Variants in UCP1 observed in about 807,000 individuals in gnomAD.
The protein encoded by UCP1 is mitochondrial brown fat uncoupling protein 1.
Under a neutral mutation model 26.2 loss-of-function variants are expected in UCP1, and 24 were observed. The observed-to-expected ratio is 0.92, with a 90% CI of 0.66 to 1.29. The LOEUF is 1.29. Among genes scored for constraint, UCP1 ranks in the 50% most tolerant of loss-of-function variants. The pLI is 0.00. For missense variants in UCP1, 402 were observed against 388.7 expected (o/e 1.03, Z -0.29); for synonymous variants, 164 against 156.8 (o/e 1.05, Z -0.34).
intron 2 of UCP1, among the ~76,000 whole-genome samples, chr4:140,564,173 G>A (rs1483774382): frequency 6.6e-6 from 1 of 152,114 alleles, no homozygotes; most frequent in Non-Finnish European, 1.5e-5. Context: ...TCACCAATGA[G>A]GCTTGATCTT....
intron 2 of UCP1, among the ~76,000 whole-genome samples, chr4:140,565,577 G>C (rs1170685674): frequency 1.3e-5 from 2 of 152,166 alleles, no homozygotes; most frequent in South Asian, 2.1e-4. Context: ...AAGGCCTTCT[G>C]TCATCTGGCT....
Position 140,567,883 on chromosome 4 carries a change from A to C in UCP1, c.221T>G (p.Leu74Arg), listed in dbSNP as rs1560846264. ...AVVKTEGRMKLYSGLPAGLQR... is the reference protein window; with the variant it reads ...AVVKTEGRMKRYSGLPAGLQR... ...AAGCCCCGCAGGCAGCCCGCTGTAG[A>C]GTTTCATCCGCCCTTCTGTTTTTAC... The change falls in exon 2 of 6, where the codon CTC (leucine) becomes CGC (arginine). Residue 74 changes from leucine to arginine, a missense_variant. By Grantham distance (102) the Leu-to-Arg change is moderately radical. Transcript: ENST00000262999. The C allele has an allele frequency of 1.2e-6, 2 of 1,614,144 alleles. No homozygotes were observed. The highest frequency in any genetic ancestry group is 1.3e-5 in the African/African-American group (1 of 75,026).
Position 140,563,140 on chromosome 4 carries a change from C to T in UCP1, c.598G>A (p.Glu200Lys). ...TELVTYDLMKEAFVKNNILAD... is the reference protein window; with the variant it reads ...TELVTYDLMKKAFVKNNILAD... ...AATATGTTGTTTTTCACAAAGGCCT[C>T]CTTCATTAGATCATATGTTACTAGC... The change falls in exon 4 of 6, where the codon GAG (glutamate) becomes AAG (lysine). Residue 200 changes from glutamate to lysine, a missense_variant. By Grantham distance (56) the Glu-to-Lys change is moderately conservative. Coordinates refer to ENST00000262999, the MANE Select transcript of UCP1 (RefSeq NM_021833.5). 6.2e-7 allele frequency: 1 copy of T among 1,613,654 alleles called. No homozygotes were observed. The highest frequency in any genetic ancestry group is 2.2e-5 in the East Asian group (1 of 44,860).
rs1283441222 is a variant in UCP1 at position 140,559,548 on chromosome 4, T to C, written c.*348A>G. On this transcript the variant is annotated 3_prime_UTR_variant, in exon 6 of 6. Coordinates refer to ENST00000262999, the MANE Select transcript of UCP1 (RefSeq NM_021833.5). Reference sequence around the variant, plus strand: ...TTTATAAATATAAACTGCATTTCACTCAGTTTCTTTTCCACCAGTTGGAAT... The same window carrying C: ...TTTATAAATATAAACTGCATTTCACCCAGTTTCTTTTCCACCAGTTGGAAT... 1.9e-5 allele frequency: 4 copies of C among 212,794 alleles called. No individual in the cohort carries two copies. Among genetic ancestry groups the C allele is most frequent in the Non-Finnish European group, 2.8e-5 (3 of 107,070 alleles). The allele number at this position is 212,794 out of a possible 1,614,324, so 13.2% of individuals were successfully genotyped here.
chr4:140,564,441 A>T (rs565553947), intron 2 of UCP1, among the ~76,000 whole-genome samples: 1 of 152,326 alleles, frequency 6.6e-6, no homozygotes, highest in African/African-American at 2.4e-5. Flanking sequence ...AGTAAACATA[A>T]AATTAAGGTT....
chr4:140,563,332 G>T lies in UCP1; in HGVS notation c.512C>A (p.Thr171Lys). ...AAGTTAGTTACCTTTCCAAAGACCCGTCAAGCCTTCGGTTGTTGCTATTAT... is the reference window on the plus strand; with the variant it reads ...AAGTTAGTTACCTTTCCAAAGACCCTTCAAGCCTTCGGTTGTTGCTATTAT... Reference protein sequence around the residue: ...YRIIATTEGLTGLWKGTTPNL... With the variant: ...YRIIATTEGLKGLWKGTTPNL... Residue 171 changes from threonine to lysine, a missense_variant, in exon 3 of 6, where the codon ACG (threonine) becomes AAG (lysine). Physicochemically the swap from Thr to Lys is moderately conservative, Grantham distance 78. Transcript: ENST00000262999. The T allele has an allele frequency of 6.2e-7, 1 of 1,614,046 alleles. No homozygotes were observed. The highest frequency in any genetic ancestry group is 8.5e-7 in the Non-Finnish European group (1 of 1,180,012).
intron 5 of UCP1, among the ~76,000 whole-genome samples, chr4:140,561,488 G>A (rs1735675803): frequency 6.6e-6 from 1 of 152,070 alleles, no homozygotes; most frequent in Non-Finnish European, 1.5e-5. Flanking sequence ...AAGTAGAGGG[G>A]ACCATCAGTG....
Position 140,567,968 on chromosome 4 carries a change from C to T in UCP1, c.136G>A (p.Glu46Lys). 6.2e-7 allele frequency: 1 copy of T among 1,614,224 alleles called. No individual in the cohort carries two copies. The highest frequency in any genetic ancestry group is 8.5e-7 in the Non-Finnish European group (1 of 1,180,034). The change falls in exon 2 of 6, where the codon GAA (glutamate) becomes AAA (lysine). Residue 46 changes from glutamate to lysine, a missense_variant. Physicochemically the swap from Glu to Lys is moderately conservative, Grantham distance 56. Transcript: ENST00000262999. ...CTAATAACACTGGACGTCGGGCATT[C>T]ACCTTGGACCTGGAAATAAGAAAGG... Reference protein sequence around the residue: ...TAKVRLQVQGECPTSSVIRYK... With the variant: ...TAKVRLQVQGKCPTSSVIRYK...
intron 3 of UCP1, 49 bp from the exon 4 acceptor site, chr4:140,563,260 G>T: frequency 6.2e-7 from 1 of 1,612,076 alleles, no homozygotes; most frequent in Non-Finnish European, 8.5e-7. Flanking sequence ...TTTACAATAA[G>T]TTGCTAGTTG....
intron 5 of UCP1, among the ~76,000 whole-genome samples, chr4:140,561,354 T>C (rs1735672821): frequency 6.6e-6 from 1 of 152,080 alleles, no homozygotes; most frequent in South Asian, 2.1e-4. Context: ...TTCTCCTCCT[T>C]CTCCTTCTTC....
chr4:140,565,847 C>T (rs1028679820), intron 2 of UCP1, among the ~76,000 whole-genome samples: 2 of 149,204 alleles, frequency 1.3e-5, no homozygotes, highest in Admixed American at 1.3e-4. Context: ...CTTGTAATTA[C>T]AGTTAGTCAT....
In UCP1 at chr4:140,563,199, T is replaced by C. The variant is rs1225466228; in HGVS notation, c.539A>G (p.Asn180Ser). 1.2e-6 allele frequency: 2 copies of C among 1,613,508 alleles called. No homozygotes were observed. The highest frequency in any genetic ancestry group is 1.7e-6 in the Non-Finnish European group (2 of 1,179,920). ...LTGLWKGTTP[N>S]LMRSVIINCT... is the part of the protein sequence containing the mutation. Reference sequence around the variant, plus strand: ...ATTGATGATGACACTTCTCATCAGATTGGGAGTAGTCCCTGGGGAAAAAAA... The same window carrying C: ...ATTGATGATGACACTTCTCATCAGACTGGGAGTAGTCCCTGGGGAAAAAAA... The change falls in exon 4 of 6, where the codon AAT (asparagine) becomes AGT (serine). Residue 180 changes from asparagine (N) to serine (S), a missense_variant. Coordinates refer to ENST00000262999, the MANE Select transcript of UCP1 (RefSeq NM_021833.5).
At chr4:140,568,011 C>T (rs539961851) in intron 1 of UCP1, 34 bp from the exon 2 acceptor site, 3 of 1,610,418 alleles carry the variant, frequency 1.9e-6, no homozygotes, top group Non-Finnish European at 2.5e-6. Flanking sequence ...CAGAAGGGAG[C>T]GAAATTGAGT....
rs1407208319 is a variant in UCP1 at position 140,559,464 on chromosome 4, A to G, written c.*432T>C. On this transcript the variant is annotated 3_prime_UTR_variant, in exon 6 of 6. Transcript: ENST00000262999. ...GTATTAGCAATACTTTATTGAATATATTAACTGACAACTGTGGTTAATAAA... is the reference window on the plus strand; with the variant it reads ...GTATTAGCAATACTTTATTGAATATGTTAACTGACAACTGTGGTTAATAAA... 4 of 184,490 alleles carry G rather than the reference A, an allele frequency of 2.2e-5. No individual in the cohort carries two copies. Among genetic ancestry groups the G allele is most frequent in the Non-Finnish European group, 4.5e-5 (4 of 89,296 alleles). 11.4% of individuals were successfully genotyped at this position (184,490 alleles called of 1,614,324 possible).
At chr4:140,567,161 T>C (rs915581722) in intron 2 of UCP1, among the ~76,000 whole-genome samples, 1 of 152,224 alleles carries the variant, frequency 6.6e-6, no homozygotes, top group South Asian at 2.1e-4. Context: ...TCAGGAAATA[T>C]GTTTCCTTTT....
intron 5 of UCP1, among the ~76,000 whole-genome samples, chr4:140,561,481 T>C (rs1013318289): frequency 3.9e-5 from 6 of 152,084 alleles, no homozygotes; most frequent in Non-Finnish European, 5.9e-5. Context: ...GCTTCCCAAG[T>C]AGAGGGGACC....
Position 140,563,157 on chromosome 4 carries a change from G to A in UCP1, c.581C>T (p.Thr194Ile). 1.2e-6 allele frequency: 2 copies of A among 1,613,578 alleles called. No homozygotes were observed. Among genetic ancestry groups the A allele is most frequent in the South Asian group, 1.1e-5 (1 of 91,064 alleles). The stretch of plus-strand genomic sequence containing the variant: ...AAAGGCCTCCTTCATTAGATCATAT[G>A]TTACTAGCTCTGTACAATTGATGAT... The part of the protein sequence containing the change: ...SVIINCTELV[T>I]YDLMKEAFVK... The change falls in exon 4 of 6, where the codon ACA becomes ATA. Residue 194 changes from threonine to isoleucine, a missense_variant. By Grantham distance (89) the Thr-to-Ile change is moderately conservative (BLOSUM62 -1). Coordinates refer to ENST00000262999, the MANE Select transcript of UCP1 (RefSeq NM_021833.5).
rs1228458494 is a variant in UCP1, at chr4:140,568,705, C to G, written c.25G>C (p.Val9Leu). MGGLTASDVHPTLGVQLFS... is the reference protein window; with the variant it reads MGGLTASDLHPTLGVQLFS... ...AGCTGGACCCCCAGGGTCGGGTGTA[C>G]GTCCGAGGCTGTCAGGCCCCCCATC... The change falls in exon 1 of 6, where the codon GTA becomes CTA. Residue 9 changes from valine to leucine, a missense_variant. Physicochemically the swap from Val to Leu is conservative, Grantham distance 32. Coordinates refer to ENST00000262999, the MANE Select transcript of UCP1 (RefSeq NM_021833.5). The G allele has an allele frequency of 2.5e-6, 4 of 1,600,406 alleles. No individual in the cohort carries two copies. Among genetic ancestry groups the G allele is most frequent in the Non-Finnish European group, 2.6e-6 (3 of 1,174,842 alleles).
Position 140,563,457 on chromosome 4 carries a change from G to A in UCP1, c.387C>T (p.Phe129=), listed in dbSNP as rs1173478313. ...TCACGACCTCTGTGGGTTGCCCAAT[G>A]AATACTGCCACTCCTCCAGTCGTTA... ...AGLTTGGVAV[F]IGQPTEVVKV... The change falls in exon 3 of 6, where the codon TTC becomes TTT. Residue 129 remains phenylalanine, a synonymous_variant. Coordinates refer to ENST00000262999, the MANE Select transcript of UCP1 (RefSeq NM_021833.5). The A allele has an allele frequency of 6.2e-7, 1 of 1,614,040 alleles. No individual in the cohort carries two copies. The highest frequency in any genetic ancestry group is 8.5e-7 in the Non-Finnish European group (1 of 1,180,016).
Sources: allele counts gnomAD v4.1 joint callset (sites outside exome capture counted in the v4.1 genomes callset), GRCh38; gene constraint gnomAD v4.1.1; transcripts MANE v1.5; gene names NCBI Gene and HGNC (gene_info 2026-07-23, HGNC 2026-07-21).